RPS10: variants seen among roughly 807,000 people sequenced by gnomAD.
The protein encoded by RPS10 is ribosomal protein S10.
Under a neutral mutation model 22.6 loss-of-function variants are expected in RPS10, and 2 were observed. The ratio of observed to expected loss-of-function variants is 0.09; its 90% CI spans 0.04 to 0.28. The LOEUF is 0.28. Ranked by LOEUF, RPS10 falls within the 10% of genes least tolerant of loss-of-function variation. RPS10 has a pLI of 1.00. For missense variants in RPS10, 137 were observed against 222.2 expected (o/e 0.62, Z 2.44); for synonymous variants, 70 against 75.9 (o/e 0.92, Z 0.40).
intron 3 of RPS10, chr6:34,424,163 A>AAAAAAAAAAAAAAAC (rs1561939868): frequency 2.0e-5 from 3 of 150,930 alleles, no homozygotes; most frequent in African/African-American, 5.0e-5. Flanking sequence ...AAAAAAAAAA[A>AAAAAAAAAAAAAAAC]AGCAACTGTG....
At chr6:34,418,329 C>T (rs559654960) in intron 5 of RPS10, 40 bp downstream of exon 5, 5 of 1,613,836 alleles carry the variant, frequency 3.1e-6, no homozygotes, top group African/African-American at 1.3e-5. Context: ...GAGGCCAGAA[C>T]AAGTGATGGC....
chr6:34,417,878 C>A, intron 5 of RPS10: 1 of 717,998 alleles, frequency 1.4e-6, no homozygotes, highest in Non-Finnish European at 2.6e-6. Context: ...TATCTGAGAG[C>A]AATCGTGTGC....
intron 3 of RPS10, among the ~76,000 whole-genome samples, chr6:34,423,142 C>G (rs1049641908): frequency 6.6e-6 from 1 of 151,870 alleles, no homozygotes; most frequent in Non-Finnish European, 1.5e-5. Context: ...GGAACTTACC[C>G]GGAGTCCATA....
intron 4 of RPS10, 144 bp downstream of exon 4, chr6:34,421,586 T>C: frequency 2.3e-6 from 2 of 866,104 alleles, no homozygotes; most frequent in Non-Finnish European, 3.9e-6. Context: ...CTCCAGCTGT[T>C]CTGATGCTCT....
chr6:34,417,793 C>T (rs1381355419), intron 5 of RPS10: 2 of 718,786 alleles, frequency 2.8e-6, no homozygotes, highest in Admixed American at 4.0e-5. Context: ...TGTGTTCATA[C>T]ATACTCCTAT....
intron 3 of RPS10, among the ~76,000 whole-genome samples, chr6:34,423,954 C>T (rs1242498347): frequency 6.6e-6 from 1 of 151,904 alleles, no homozygotes; most frequent in Non-Finnish European, 1.5e-5. Flanking sequence ...CATAAGGTAA[C>T]TCTCCAGGGG....
At chr6:34,417,673 G>A in intron 5 of RPS10, 126 bp from the exon 6 acceptor site, 1 of 860,656 alleles carries the variant, frequency 1.2e-6, no homozygotes, top group Non-Finnish European at 1.9e-6. Context: ...GGAGAGAGCT[G>A]AGTACAGGCT....
chr6:34,421,838 G>A (rs759947578), intron 3 of RPS10, 31 bp from the exon 4 acceptor site: 49 of 1,613,260 alleles, frequency 3.0e-5, no homozygotes, highest in Admixed American at 8.3e-5. Flanking sequence ...TGTGAACACA[G>A]GGCAATGTGA....
intron 4 of RPS10, among the ~76,000 whole-genome samples, chr6:34,419,208 A>G (rs1050119733): frequency 6.6e-6 from 1 of 151,566 alleles, no homozygotes; most frequent in African/African-American, 2.4e-5. Context: ...TTTAGTAGAG[A>G]TGGGGTTTCT....
chr6:34,418,170 T>C (rs1765640790), intron 5 of RPS10, 199 bp downstream of exon 5: 1 of 1,484,860 alleles, frequency 6.7e-7, no homozygotes, highest in African/African-American at 1.4e-5. Flanking sequence ...TTTCTGAGAC[T>C]CATTTCAGTA....
At chr6:34,419,065 C>T (rs897548647) in intron 4 of RPS10, among the ~76,000 whole-genome samples, 2 of 152,102 alleles carry the variant, frequency 1.3e-5, no homozygotes, top group Non-Finnish European at 2.9e-5. Context: ...GTTGCCCAGG[C>T]TAGAGTGCAA....
chr6:34,425,125 G>C lies in RPS10; in HGVS notation c.97C>G (p.Pro33Ala). 2.5e-6 allele frequency: 4 copies of C among 1,613,086 alleles called. No individual in the cohort carries two copies. Among genetic ancestry groups the C allele is most frequent in the Non-Finnish European group, 3.4e-6 (4 of 1,179,902 alleles). ...AKKDVHMPKH[P>A]ELADKNVPNL... ...GGCACATTCTTGTCTGCCAGCTCCG[G>C]GTGCTTAGGCATGTGGACATCCTTC... is the stretch of plus-strand genomic sequence containing the variant. Residue 33 changes from proline to alanine, a missense_variant, in exon 2 of 6, where the codon CCG becomes GCG. By Grantham distance (27) the Pro-to-Ala change is conservative (BLOSUM62 -1). Transcript: ENST00000648437.
At chr6:34,417,630 A>C in intron 5 of RPS10, 83 bp from the exon 6 acceptor site, 1 of 1,359,914 alleles carries the variant, frequency 7.4e-7, no homozygotes, top group Non-Finnish European at 1.0e-6. Flanking sequence ...AGGCCTCATT[A>C]TAACTCCAGA....
rs1765902635 is a variant in RPS10 at position 34,424,936 on chromosome 6, A to T, written c.151-96T>A. 6.2e-6 allele frequency: 10 copies of T among 1,607,084 alleles called. No homozygotes were observed. The South Asian group carries it at 1.1e-4, about 18-fold the overall frequency. On this transcript the variant is annotated intron_variant, in intron 2 of 5. Transcript: ENST00000648437. The stretch of plus-strand genomic sequence containing the variant: ...CAGCCAGCCCTTCAAGTTAGCAAGC[A>T]GCCCCCGCAGTCCTGACCTCCCTTT...
chr6:34,424,002 G>A (rs760793974), intron 3 of RPS10, among the ~76,000 whole-genome samples: 5 of 151,770 alleles, frequency 3.3e-5, no homozygotes, highest in South Asian at 2.1e-4. Context: ...AGGAATCTGC[G>A]CATTTTTTCA....
chr6:34,421,577 T>A (rs1473144201), intron 4 of RPS10, among the ~76,000 whole-genome samples, 153 bp downstream of exon 4: 2 of 152,168 alleles, frequency 1.3e-5, no homozygotes, highest in African/African-American at 4.8e-5. Context: ...CACAAAGGAC[T>A]CCAGCTGTTC....
At chr6:34,420,810 T>TTTTTTTA (rs1765734983) in intron 4 of RPS10, among the ~76,000 whole-genome samples, 1 of 151,720 alleles carries the variant, frequency 6.6e-6, no homozygotes, top group African/African-American at 2.4e-5. Context: ...ATCCAGACCA[T>TTTTTTTA]CCTGGCTAAC....
At chr6:34,424,164 A>AAAAAAAAAAAAAAAAC (rs377757571) in intron 3 of RPS10, 2 of 149,106 alleles carry the variant, frequency 1.3e-5, no homozygotes, top group East Asian at 2.0e-4. Flanking sequence ...AAAAAAAAAA[A>AAAAAAAAAAAAAAAAC]GCAACTGTGA....
intron 1 of RPS10, 78 bp from the exon 2 acceptor site, chr6:34,425,299 A>G (rs555955477): frequency 1.3e-6 from 2 of 1,528,998 alleles, no homozygotes; most frequent in South Asian, 2.4e-5. Context: ...TTGATCCTAA[A>G]GTGACCCACA....
Sources: allele counts gnomAD v4.1 joint callset (sites outside exome capture counted in the v4.1 genomes callset), GRCh38; gene constraint gnomAD v4.1.1; transcripts MANE v1.5; gene names NCBI Gene and HGNC (gene_info 2026-07-23, HGNC 2026-07-21).